CPXM2: variants seen among roughly 807,000 people sequenced by gnomAD.
CPXM2 encodes the protein inactive carboxypeptidase-like protein X2.
Under a neutral mutation model 86.1 loss-of-function variants are expected in CPXM2, and 66 were observed. The observed-to-expected ratio is 0.77, with a 90% CI of 0.63 to 0.94. The LOEUF is 0.94. CPXM2 is among the 40% of genes least tolerant of loss of function. The pLI is 0.00. For synonymous variants in CPXM2, 388 were observed against 400.2 expected (o/e 0.97, Z 0.36); for missense variants, 948 against 1,026.3 (o/e 0.92, Z 1.04).
intron 2 of CPXM2, among the ~76,000 whole-genome samples, chr10:123,924,045 T>C (rs937836293): frequency 6.6e-6 from 1 of 152,220 alleles, no homozygotes; most frequent in African/African-American, 2.4e-5. Flanking sequence ...AGTGTAGTAA[T>C]AGTATTGTGG....
At chr10:123,904,306 G>A (rs745468640) in intron 2 of CPXM2, among the ~76,000 whole-genome samples, 8 of 152,128 alleles carry the variant, frequency 5.3e-5, no homozygotes, top group Non-Finnish European at 1.2e-4. Context: ...TTGTGCTGAT[G>A]TTTGAGTAAG....
intron 6 of CPXM2, among the ~76,000 whole-genome samples, chr10:123,795,344 T>C (rs1298496336): frequency 2.0e-5 from 3 of 152,038 alleles, no homozygotes; most frequent in Non-Finnish European, 2.9e-5. Flanking sequence ...ACATTATGCA[T>C]AGAGTCTTAA....
At chr10:123,750,581 T>G in intron 13 of CPXM2, 1 of 975,422 alleles carries the variant, frequency 1.0e-6, no homozygotes. Flanking sequence ...GTAGTAAACT[T>G]TTAAATCTTC....
chr10:123,791,247 C>G (rs1254280130), intron 6 of CPXM2, among the ~76,000 whole-genome samples: 1 of 152,122 alleles, frequency 6.6e-6, no homozygotes, highest in Non-Finnish European at 1.5e-5. Flanking sequence ...AACCCCATCT[C>G]TACTACAAAA....
intron 4 of CPXM2, among the ~76,000 whole-genome samples, chr10:123,830,756 C>T (rs989548353): frequency 1.4e-5 from 2 of 146,288 alleles, no homozygotes; most frequent in Non-Finnish European, 3.0e-5. Context: ...CCTTTTGCAG[C>T]TGCTGGGAAT....
In CPXM2 at chr10:123,917,527, A is replaced by T. The variant is rs74697276; in HGVS notation, n.174+21950T>A. On this transcript the variant is annotated intron_variant and non_coding_transcript_variant, in intron 2 of 19. Coordinates refer to the CPXM2 transcript ENST00000368854. Reference sequence around the variant, plus strand: ...ACGTTTTTCTTGCTATTTTGTACACATAATAATAGATGTAAAGCCTCAGAT... The same window carrying T: ...ACGTTTTTCTTGCTATTTTGTACACTTAATAATAGATGTAAAGCCTCAGAT... 5.8e-3 allele frequency among the ~76,000 whole-genome samples: 881 copies of T among 152,366 alleles called. 13 individuals carry two copies. Among genetic ancestry groups the T allele is most frequent in the Non-Finnish European group, 4.5e-3 (304 of 68,042 alleles).
intron 3 of CPXM2, among the ~76,000 whole-genome samples, chr10:123,858,234 C>T (rs1003877927): frequency 6.6e-6 from 1 of 152,250 alleles, no homozygotes; most frequent in Non-Finnish European, 1.5e-5. Context: ...GCTTCTCCTG[C>T]TTAAGCTCCC....
At position 123,854,406 on chromosome 10, in the gene CPXM2, T is replaced by TTATATATATAA. The variant is rs1449722815; in HGVS notation, c.513+8207_513+8208insTTATATATATA. On this transcript the variant is annotated intron_variant, in intron 3 of 13. Coordinates refer to ENST00000241305, the MANE Select transcript of CPXM2 (RefSeq NM_198148.3). ...ATATAATATATATATTATATATATA[T>TTATATATATAA]TATATATAAAATATATAATATATAT... Among the ~76,000 whole-genome samples the TTATATATATAA allele has an allele frequency of 5.1e-3, 585 of 113,710 alleles. 9 individuals carry two copies. The highest frequency in any genetic ancestry group is 0.021 in the African/African-American group (570 of 27,790). 74.6% of individuals were successfully genotyped at this position (113,710 alleles called of 152,430 possible).
At position 123,799,129 on chromosome 10, in the gene CPXM2, C is replaced by T. The variant is rs1409104850; in HGVS notation, c.724G>A (p.Gly242Arg). ...ATGAGACTCACCATGTCTCCAGATC[C>T]ATTCTTAACAGTGACCCACGTGTGG... ...DSHTWVTVKN[G>R]SGDMIFEGNS... Residue 242 changes from glycine (G) to arginine (R), a missense_variant, in exon 5 of 14, where the codon GGA becomes AGA. Physicochemically the swap from Gly to Arg is moderately radical, Grantham distance 125. Coordinates refer to ENST00000241305, the MANE Select transcript of CPXM2 (RefSeq NM_198148.3). 4 of 1,614,110 alleles carry T rather than the reference C, an allele frequency of 2.5e-6. No homozygotes were observed. In the East Asian group the frequency reaches 6.7e-5, roughly 27 times the overall value.
intron 2 of CPXM2, among the ~76,000 whole-genome samples, chr10:123,937,499 A>ACACC (rs1945734067): frequency 7.4e-6 from 1 of 135,078 alleles, no homozygotes; most frequent in Admixed American, 7.2e-5. Flanking sequence ...ACACACACAC[A>ACACC]CACACACACA....
chr10:123,842,240 C>T, intron 4 of CPXM2, 109 bp downstream of exon 4: 2 of 1,404,942 alleles, frequency 1.4e-6, no homozygotes, highest in Non-Finnish European at 1.9e-6. Flanking sequence ...TCCTCTTCTA[C>T]TGCCCATCAC....
intron 2 of CPXM2, among the ~76,000 whole-genome samples, chr10:123,918,976 A>G (rs924177787): frequency 6.6e-6 from 1 of 152,168 alleles, no homozygotes; most frequent in African/African-American, 2.4e-5. Context: ...AAAGGGGGCC[A>G]CTGGGAGCTG....
At chr10:123,903,614 G>T in intron 2 of CPXM2, among the ~76,000 whole-genome samples, 1 of 152,204 alleles carries the variant, frequency 6.6e-6, no homozygotes, top group East Asian at 1.9e-4. Flanking sequence ...TCCTCTCAGG[G>T]ATAGGGGAAG....
At chr10:123,776,375 C>G (rs1846788440) in intron 7 of CPXM2, among the ~76,000 whole-genome samples, 1 of 152,168 alleles carries the variant, frequency 6.6e-6, no homozygotes, top group African/African-American at 2.4e-5. Flanking sequence ...ACTTTGCATC[C>G]TAGTGTCTAC....
At chr10:123,847,525 C>CA (rs201079203) in intron 3 of CPXM2, among the ~76,000 whole-genome samples, 4,751 of 142,276 alleles carry the variant, frequency 0.033, 267 homozygotes, top group African/African-American at 0.12. Context: ...GACTCTGTCT[C>CA]AAAAAAAAAA....
At chr10:123,930,368 G>T (rs1945657649) in intron 2 of CPXM2, among the ~76,000 whole-genome samples, 1 of 152,220 alleles carries the variant, frequency 6.6e-6, no homozygotes, top group African/African-American at 2.4e-5. Flanking sequence ...ACATACTGGG[G>T]TGTGCTGCTT....
chr10:123,766,194 C>T (rs1846468323), intron 10 of CPXM2, among the ~76,000 whole-genome samples: 1 of 151,610 alleles, frequency 6.6e-6, no homozygotes, highest in South Asian at 2.1e-4. Context: ...GTGTCACATG[C>T]TGACATGGCA....
chr10:123,862,384 G>A (rs1385046538), intron 3 of CPXM2, among the ~76,000 whole-genome samples: 1 of 152,212 alleles, frequency 6.6e-6, no homozygotes, highest in Admixed American at 6.5e-5. Context: ...AACAACCTGG[G>A]TCCAGGTACT....
At chr10:123,749,431 CAGA>C (rs1194070346) in intron 13 of CPXM2, among the ~76,000 whole-genome samples, 4 of 152,170 alleles carry the variant, frequency 2.6e-5, no homozygotes, top group African/African-American at 9.7e-5. Flanking sequence ...CTGCAAAAGC[CAGA>C]AGAAGCCCTC....
Sources: gnomAD v4.1 joint callset for allele counts (sites outside exome capture counted in the v4.1 genomes callset) on GRCh38, gnomAD v4.1.1 for gene constraint, MANE v1.5 for transcripts, NCBI Gene and HGNC (gene_info 2026-07-23, HGNC 2026-07-21) for gene names.